Variants in MTOR observed in about 807,000 individuals in gnomAD.
MTOR encodes the protein serine/threonine-protein kinase mTOR.
A neutral mutation model predicts 319.8 loss-of-function variants in MTOR; 70 were observed. That is an observed-to-expected ratio of 0.22 (90% CI 0.18 to 0.27). The LOEUF (loss-of-function observed/expected upper bound fraction) is 0.27. Ranked by LOEUF, MTOR falls within the 10% of genes least tolerant of loss-of-function variation. The pLI, the probability that MTOR is intolerant of heterozygous loss-of-function variation, is 1.00. For synonymous variants in MTOR, 1,183 were observed against 1,211.4 expected (o/e 0.98, Z 0.49); for missense variants, 1,890 against 3,274.4 (o/e 0.58, Z 10.32).
intron 16 of MTOR, among the ~76,000 whole-genome samples, chr1:11,231,878 C>T (rs954114682): frequency 2.0e-5 from 3 of 152,080 alleles, no homozygotes; most frequent in African/African-American, 7.2e-5. Flanking sequence ...GCACATGCCA[C>T]CATGCCCAGC....
intron 49 of MTOR, among the ~76,000 whole-genome samples, chr1:11,118,025 G>A (rs902950879): frequency 1.3e-5 from 2 of 151,704 alleles, no homozygotes; most frequent in African/African-American, 2.4e-5. Context: ...GTTGAAGTGA[G>A]CCAAAATCAT....
At chr1:11,173,715 T>A (rs1478288175) in intron 28 of MTOR, among the ~76,000 whole-genome samples, 1 of 152,216 alleles carries the variant, frequency 6.6e-6, no homozygotes, top group Non-Finnish European at 1.5e-5. Flanking sequence ...AAGCTACATT[T>A]CTCTTATTTC....
chr1:11,216,718 C>CA (rs1646483433), intron 19 of MTOR, among the ~76,000 whole-genome samples: 2 of 151,240 alleles, frequency 1.3e-5, no homozygotes, highest in African/African-American at 4.9e-5. Flanking sequence ...AAACAATTGT[C>CA]AGAGGTTTTT....
chr1:11,258,656 G>T, intron 2 of MTOR, 63 bp from the exon 3 acceptor site: 1 of 1,274,706 alleles, frequency 7.8e-7, no homozygotes, highest in Non-Finnish European at 1.1e-6. Context: ...GGTGGGAGTG[G>T]GCTGGCATCT....
Position 11,115,260 on chromosome 1 carries a change from C to T in MTOR, c.7089+136G>A. On this transcript the variant is annotated intron_variant, in intron 51 of 57. Transcript: ENST00000361445. This position sits in a 1 kb window ranked among gnomAD's most constrained non-coding sequence, Gnocchi z 4.5. ...GCCCAGATTTCATTTCTTAGACTGA[C>T]TTAACTACAGCCTTGGTAGGGCCAG... 1.2e-6 allele frequency: 1 copy of T among 827,510 alleles called. No homozygotes were observed. Among genetic ancestry groups the T allele is most frequent in the South Asian group, 1.5e-5 (1 of 64,816 alleles). 51.3% of individuals were successfully genotyped at this position (827,510 alleles called of 1,614,324 possible).
chr1:11,189,902 A>G (rs1347396563), intron 28 of MTOR: 2 of 1,613,996 alleles, frequency 1.2e-6, no homozygotes, highest in Non-Finnish European at 1.7e-6. Flanking sequence ...ATGAACAACC[A>G]AATTGACATC....
At chr1:11,157,677 G>A (rs1644359562) in intron 29 of MTOR, among the ~76,000 whole-genome samples, 1 of 152,182 alleles carries the variant, frequency 6.6e-6, no homozygotes, top group South Asian at 2.1e-4. Context: ...TTTCAAAGGT[G>A]CCATCGCTCC....
chr1:11,260,846 G>C (rs1651020979), intron 1 of MTOR, among the ~76,000 whole-genome samples: 1 of 149,262 alleles, frequency 6.7e-6, no homozygotes, highest in Non-Finnish European at 1.5e-5. Context: ...CTGGAGTGCA[G>C]TGGCATGATC....
Position 11,127,572 on chromosome 1 carries a change from G to T in MTOR, c.6216+52C>A, listed in dbSNP as rs2100405769. 1 of 1,513,206 alleles carries T rather than the reference G, an allele frequency of 6.6e-7. No individual in the cohort carries two copies. The highest frequency in any genetic ancestry group is 8.9e-7 in the Non-Finnish European group (1 of 1,128,406). The allele number at this position is 1,513,206 out of a possible 1,614,324, so 93.7% of individuals were successfully genotyped here. On this transcript the variant is annotated intron_variant, in intron 44 of 57. Coordinates refer to ENST00000361445, the MANE Select transcript of MTOR (RefSeq NM_004958.4). This position sits in a 1 kb window ranked among gnomAD's most constrained non-coding sequence, Gnocchi z 5.5. ...ACTTTTCTCATTTCATTTTTTTTTA[G>T]TGGCAGAATATTTCTACAGGGTTAT...
intron 49 of MTOR, among the ~76,000 whole-genome samples, chr1:11,118,920 C>A (rs1642343685): frequency 6.6e-6 from 1 of 151,906 alleles, no homozygotes; most frequent in African/African-American, 2.4e-5. Context: ...AGCCACTGCA[C>A]CCCGCCCATA....
At chr1:11,161,190 G>A (rs1299247554) in intron 29 of MTOR, among the ~76,000 whole-genome samples, 1 of 152,222 alleles carries the variant, frequency 6.6e-6, no homozygotes, top group South Asian at 2.1e-4. Flanking sequence ...CTCATTGCTA[G>A]CACAGCAGTC....
intron 19 of MTOR, among the ~76,000 whole-genome samples, chr1:11,226,914 C>A (rs1646856736): frequency 7.1e-6 from 1 of 140,772 alleles, no homozygotes; most frequent in South Asian, 2.5e-4. Flanking sequence ...ATTTTTCTTC[C>A]CCCCACCCCC....
In MTOR at chr1:11,124,624, C is replaced by G. The variant is rs955650318; in HGVS notation, c.6536G>C (p.Gly2179Ala). Residue 2179 changes from glycine (G) to alanine (A), a missense_variant, in exon 47 of 58, where the codon GGA (glycine) becomes GCA (alanine). Gly to Ala is a moderately conservative substitution (Grantham distance 60, BLOSUM62 0). Coordinates refer to ENST00000361445, the MANE Select transcript of MTOR (RefSeq NM_004958.4). ...PRKLTLMGSNGHEFVFLLKGH... is the reference protein window; with the variant it reads ...PRKLTLMGSNAHEFVFLLKGH... ...TTTTAGAAGGAAAACAAACTCATGT[C>G]CGTTGCTGCCTGTAAGGAACAGTGG... is the stretch of plus-strand genomic sequence containing the variant. 2.5e-6 allele frequency: 4 copies of G among 1,609,136 alleles called. No homozygotes were observed. Among genetic ancestry groups the G allele is most frequent in the Non-Finnish European group, 3.4e-6 (4 of 1,175,720 alleles).
At position 11,240,379 on chromosome 1, in the gene MTOR, G is replaced by A; in HGVS notation, c.1710C>T (p.Leu570=). The A allele has an allele frequency of 6.2e-7, 1 of 1,614,040 alleles. No homozygotes were observed. Among genetic ancestry groups the A allele is most frequent in the Non-Finnish European group, 8.5e-7 (1 of 1,179,928 alleles). ...GLAHQLASPG[L]TTLPEASDVG... ...CATCGCTGGCCTCAGGGAGGGTCGT[G>A]AGGCCAGGAGAGGCCAGCTGATGGG... Residue 570 remains leucine (L), a synonymous_variant, in exon 11 of 58, where the codon CTC becomes CTT. Coordinates refer to ENST00000361445, the MANE Select transcript of MTOR (RefSeq NM_004958.4).
chr1:11,113,024 G>T, intron 53 of MTOR, 107 bp from the exon 54 acceptor site: 1 of 1,210,826 alleles, frequency 8.3e-7, no homozygotes, highest in Non-Finnish European at 1.2e-6. Flanking sequence ...TAAAGCTATA[G>T]CCCCAAAAAA....
intron 56 of MTOR, 114 bp from the exon 57 acceptor site, chr1:11,108,400 A>G: frequency 3.6e-6 from 3 of 840,962 alleles, no homozygotes; most frequent in African/African-American, 1.7e-5. Context: ...ATGAAGATGA[A>G]GGATACCATC....
At chr1:11,166,172 G>A (rs1002535801) in intron 29 of MTOR, among the ~76,000 whole-genome samples, 1 of 152,130 alleles carries the variant, frequency 6.6e-6, no homozygotes, top group African/African-American at 2.4e-5. Context: ...ATACCATTCA[G>A]GACATAGGCA....
Position 11,212,193 on chromosome 1 carries a change from A to C in MTOR, c.3561+119T>G. On this transcript the variant is annotated intron_variant, in intron 23 of 57. Transcript: ENST00000361445. This position sits in a 1 kb window ranked among gnomAD's most constrained non-coding sequence, Gnocchi z 4.1. ...CTGAACACATGAAAAGAAAAAAAGC[A>C]AGTAATTCCACGTTCTCTGATGGTG... is the stretch of plus-strand genomic sequence containing the variant. The C allele has an allele frequency of 7.7e-7, 1 of 1,294,806 alleles. No individual in the cohort carries two copies. The highest frequency in any genetic ancestry group is 1.1e-6 in the Non-Finnish European group (1 of 939,668). The allele number at this position is 1,294,806 out of a possible 1,614,324, so 80.2% of individuals were successfully genotyped here. A position where few individuals can be genotyped will look rare whatever the true frequency, so the allele number is the denominator to read the frequency against.
chr1:11,211,642 C>T (rs1034515002), intron 23 of MTOR, among the ~76,000 whole-genome samples: 4 of 152,182 alleles, frequency 2.6e-5, no homozygotes, highest in African/African-American at 7.2e-5. Context: ...GCTGGAATTA[C>T]GGGTGTGAGT....
Sources: allele counts gnomAD v4.1 joint callset (sites outside exome capture counted in the v4.1 genomes callset), GRCh38; gene constraint gnomAD v4.1.1; non-coding constraint Gnocchi (gnomAD v3.1); transcripts MANE v1.5; gene names NCBI Gene and HGNC (gene_info 2026-07-23, HGNC 2026-07-21).